LRP1B: variants seen among roughly 807,000 people sequenced by gnomAD.
LRP1B encodes LDL receptor related protein 1B, also known as low-density lipoprotein receptor-related protein 1B.
Under a neutral mutation model 556.6 loss-of-function variants are expected in LRP1B, and 217 were observed. The ratio of observed to expected loss-of-function variants is 0.39; its 90% CI spans 0.35 to 0.44. The LOEUF (loss-of-function observed/expected upper bound fraction) is 0.44, where lower values mean the gene tolerates loss of function less well. Among genes scored for constraint, LRP1B ranks in the 20% least tolerant of loss-of-function variants. The probability of loss-of-function intolerance (pLI) is 1.00; values close to 1 mark genes in which losing one functional copy is unlikely to be tolerated. For missense variants in LRP1B, 5,053 were observed against 5,620.8 expected (o/e 0.90, Z 3.23); for synonymous variants, 2,047 against 1,865.8 (o/e 1.10, Z -2.50).
intron 15 of LRP1B, among the ~76,000 whole-genome samples, chr2:141,001,747 G>A (rs2105369295): frequency 6.6e-6 from 1 of 152,248 alleles, no homozygotes; most frequent in Non-Finnish European, 1.5e-5. Flanking sequence ...GATGAGACCA[G>A]GCAGAAGTCC....
At chr2:140,678,507 C>T (rs1367265519) in intron 41 of LRP1B, among the ~76,000 whole-genome samples, 5 of 152,108 alleles carry the variant, frequency 3.3e-5, no homozygotes, top group African/African-American at 9.7e-5. Flanking sequence ...AAAGACTGGA[C>T]AAGGCATTTT....
At chr2:140,240,174 A>G (rs191265764) in intron 87 of LRP1B, among the ~76,000 whole-genome samples, 1 of 150,762 alleles carries the variant, frequency 6.6e-6, no homozygotes, top group East Asian at 2.0e-4. Flanking sequence ...TTGATTCCAC[A>G]GAATTAGGGG....
intron 32 of LRP1B, among the ~76,000 whole-genome samples, chr2:140,812,594 A>G (rs745990895): frequency 8.4e-4 from 127 of 151,922 alleles, no homozygotes; most frequent in Non-Finnish European, 1.6e-3. Flanking sequence ...AAAAATAATA[A>G]AACAACAACA....
chr2:141,072,861 T>G (rs533229049), intron 7 of LRP1B, among the ~76,000 whole-genome samples: 1 of 152,218 alleles, frequency 6.6e-6, no homozygotes, highest in African/African-American at 2.4e-5. Flanking sequence ...AGATCAATTA[T>G]TTTTTCCTCT....
intron 3 of LRP1B, among the ~76,000 whole-genome samples, chr2:141,413,892 A>G (rs578235716): frequency 1.8e-3 from 267 of 150,604 alleles, no homozygotes; most frequent in African/African-American, 5.7e-3. Flanking sequence ...AGAGAGAGAG[A>G]CCATGAGAGA....
chr2:141,847,169 C>G (rs1433753069), intron 1 of LRP1B, among the ~76,000 whole-genome samples: 1 of 151,418 alleles, frequency 6.6e-6, no homozygotes, highest in African/African-American at 2.4e-5. Flanking sequence ...AAAATAAAAT[C>G]ACACCCGAAA....
At chr2:140,927,735 T>C (rs1694929193) in intron 20 of LRP1B, among the ~76,000 whole-genome samples, 1 of 115,720 alleles carries the variant, frequency 8.6e-6, no homozygotes, top group Non-Finnish European at 1.7e-5. Context: ...TGAGATGGAA[T>C]CTCACTTGTT....
At chr2:141,988,029 C>A (rs1377769061) in intron 1 of LRP1B, among the ~76,000 whole-genome samples, 1 of 151,796 alleles carries the variant, frequency 6.6e-6, no homozygotes, top group Non-Finnish European at 1.5e-5. Flanking sequence ...AGATCAATGT[C>A]ATTGATCAAT....
At chr2:140,900,127 G>A (rs544739285) in intron 23 of LRP1B, among the ~76,000 whole-genome samples, 1 of 152,296 alleles carries the variant, frequency 6.6e-6, no homozygotes, top group Non-Finnish European at 1.5e-5. Context: ...ATTCTGAGCT[G>A]AGAGCAGAGG....
At chr2:140,743,456 A>G (rs1688206202) in intron 35 of LRP1B, among the ~76,000 whole-genome samples, 1 of 152,176 alleles carries the variant, frequency 6.6e-6, no homozygotes, top group Admixed American at 6.5e-5. Flanking sequence ...ATCAAATCCA[A>G]ACCTGCCCTT....
At chr2:141,200,122 C>G (rs557263144) in intron 6 of LRP1B, among the ~76,000 whole-genome samples, 1 of 152,078 alleles carries the variant, frequency 6.6e-6, no homozygotes, top group African/African-American at 2.4e-5. Context: ...GACACATGCA[C>G]GTATATGTTA....
intron 2 of LRP1B, among the ~76,000 whole-genome samples, chr2:141,690,401 ATATATATATAT>A (rs1454749618): frequency 0.18 from 19,466 of 107,500 alleles, 2,887 homozygotes; most frequent in African/African-American, 0.2. Context: ...CTATAAATAT[ATATATATATAT>A]ATATATATAT....
At chr2:140,724,142 T>C (rs957647817) in intron 35 of LRP1B, among the ~76,000 whole-genome samples, 1 of 152,168 alleles carries the variant, frequency 6.6e-6, no homozygotes, top group Non-Finnish European at 1.5e-5. Context: ...GATTCTTTCG[T>C]AATAAGTTCC....
intron 2 of LRP1B, among the ~76,000 whole-genome samples, chr2:141,740,420 AATAAT>A: frequency 6.6e-6 from 1 of 152,318 alleles, no homozygotes; most frequent in South Asian, 2.1e-4. Flanking sequence ...CAGTGTACTT[AATAAT>A]ATAATTGTAA....
At chr2:141,839,356 T>G (rs1697389924) in intron 1 of LRP1B, among the ~76,000 whole-genome samples, 1 of 152,194 alleles carries the variant, frequency 6.6e-6, no homozygotes, top group African/African-American at 2.4e-5. Context: ...TGCATCTTAC[T>G]TTTCATATGT....
At position 141,668,530 on chromosome 2, in the gene LRP1B, G is replaced by A. The variant is rs80131869; in HGVS notation, c.205+141749C>T. 1.4e-3 allele frequency among the ~76,000 whole-genome samples: 211 copies of A among 152,230 alleles called. 1 individual carries two copies. The highest frequency in any genetic ancestry group is 4.9e-3 in the African/African-American group (202 of 41,540). On this transcript the variant is annotated intron_variant, in intron 2 of 90. Coordinates refer to ENST00000389484, the MANE Select transcript of LRP1B (RefSeq NM_018557.3). ...TGAAGAGAAGGAATGTCTGAACATC[G>A]AGAGGAGTGTGACTGTGGACAGTCC...
At chr2:140,264,253 C>G (rs187448439) in intron 86 of LRP1B, among the ~76,000 whole-genome samples, 1 of 151,936 alleles carries the variant, frequency 6.6e-6, no homozygotes, top group East Asian at 1.9e-4. Flanking sequence ...TTTTTTGAAA[C>G]AGTCTTGCTG....
At chr2:140,618,669 G>A (rs944300834) in intron 41 of LRP1B, among the ~76,000 whole-genome samples, 1 of 152,162 alleles carries the variant, frequency 6.6e-6, no homozygotes, top group East Asian at 1.9e-4. Context: ...GGACATACAA[G>A]CAGTTTATTT....
chr2:141,570,454 C>T (rs1316309391), intron 2 of LRP1B, among the ~76,000 whole-genome samples: 2 of 151,274 alleles, frequency 1.3e-5, no homozygotes, highest in Non-Finnish European at 3.0e-5. Context: ...CCACCAGGGC[C>T]TAGTGTCCCA....
Sources: gnomAD v4.1 joint callset for allele counts (sites outside exome capture counted in the v4.1 genomes callset) on GRCh38, gnomAD v4.1.1 for gene constraint, MANE v1.5 for transcripts, NCBI Gene and HGNC (gene_info 2026-07-23, HGNC 2026-07-21) for gene names.